Variants in COL5A2 observed in about 807,000 individuals in gnomAD.
COL5A2 encodes the protein collagen alpha-2(V) chain.
A neutral mutation model predicts 208.2 loss-of-function variants in COL5A2; 23 were observed. That is an observed-to-expected ratio of 0.11 (90% CI 0.08 to 0.16). The LOEUF (loss-of-function observed/expected upper bound fraction) is 0.16. Among genes scored for constraint, COL5A2 ranks in the 10% least tolerant of loss-of-function variants. The pLI, the probability that COL5A2 is intolerant of heterozygous loss-of-function variation, is 1.00. For missense variants in COL5A2, 1,590 were observed against 1,956.4 expected, an observed-to-expected ratio of 0.81 and a Z score of 3.53; for synonymous variants, 625 against 628.5, an observed-to-expected ratio of 0.99 and a Z score of 0.08.
intron 1 of COL5A2, among the ~76,000 whole-genome samples, chr2:189,177,320 G>T (rs921567568): frequency 6.6e-6 from 1 of 152,164 alleles, no homozygotes; most frequent in Admixed American, 6.5e-5. Context: ...ATCAAATGGA[G>T]TTTCTAAATT....
At chr2:189,369,692 CTT>C in the COL5A2 span, among the ~76,000 whole-genome samples, 5 of 152,104 alleles carry the variant, frequency 3.3e-5, no homozygotes, top group African/African-American at 9.7e-5. Context: ...TAAATAAACT[CTT>C]GAGTCATTTC....
chr2:189,232,544 G>C, the COL5A2 span, among the ~76,000 whole-genome samples: 2 of 151,650 alleles, frequency 1.3e-5, no homozygotes, highest in Non-Finnish European at 2.9e-5. Context: ...GTGAGTTTCA[G>C]GGAAAAGGTT....
At position 189,195,642 on chromosome 2, in the gene COL5A2, G is replaced by A. The variant is rs186635235; in HGVS notation, c.-42+29506C>T. ...ATATAGACCAATGGATCAGAACAGA[G>A]ACCTCAGAAATAACACCACGTATCT... On this transcript the variant is annotated intron_variant, in intron 1 of 10. Transcript: ENST00000649966. 3.3e-5 allele frequency among the ~76,000 whole-genome samples: 5 copies of A among 152,134 alleles called. No homozygotes were observed. In the East Asian group the frequency reaches 9.7e-4, roughly 29 times the overall value.
intron 1 of COL5A2, among the ~76,000 whole-genome samples, chr2:189,114,804 C>T (rs1687356341): frequency 1.3e-5 from 2 of 151,928 alleles, no homozygotes; most frequent in Non-Finnish European, 2.9e-5. Flanking sequence ...CACAATGGCA[C>T]ACGTTTACCT....
intron 2 of COL5A2, among the ~76,000 whole-genome samples, chr2:189,109,527 C>T (rs574668303): frequency 6.6e-6 from 1 of 152,178 alleles, no homozygotes; most frequent in Non-Finnish European, 1.5e-5. Context: ...ACTGCTAACA[C>T]AAATAACCTG....
the COL5A2 span, among the ~76,000 whole-genome samples, chr2:189,336,918 T>C: frequency 6.6e-6 from 1 of 152,222 alleles, no homozygotes; most frequent in East Asian, 1.9e-4. Flanking sequence ...TCAGAAGTTA[T>C]CCAGACTCCA....
At chr2:189,079,209 T>C in intron 14 of COL5A2, 102 bp from the exon 15 acceptor site, 1 of 914,672 alleles carries the variant, frequency 1.1e-6, no homozygotes, top group Non-Finnish European at 1.8e-6. Flanking sequence ...AAAGAGGACA[T>C]ATGAAAGATG....
intron 31 of COL5A2, among the ~76,000 whole-genome samples, chr2:189,059,670 C>T (rs552734700): frequency 2.8e-4 from 36 of 130,000 alleles, no homozygotes; most frequent in African/African-American, 1.0e-3. Context: ...GATCTTGGCT[C>T]ACTGCAACCT....
the COL5A2 span, among the ~76,000 whole-genome samples, chr2:189,316,567 C>T: frequency 6.6e-6 from 1 of 151,644 alleles, no homozygotes; most frequent in Non-Finnish European, 1.5e-5. Context: ...ACAGAGAGAA[C>T]AACACAAACT....
chr2:189,397,847 T>C, the COL5A2 span, among the ~76,000 whole-genome samples: 1 of 152,040 alleles, frequency 6.6e-6, no homozygotes, highest in African/African-American at 2.4e-5. Context: ...TTTCCACTTT[T>C]TTAGTTTAAT....
intron 1 of COL5A2, among the ~76,000 whole-genome samples, chr2:189,137,543 T>C (rs1405403601): frequency 6.6e-6 from 1 of 152,250 alleles, no homozygotes; most frequent in Non-Finnish European, 1.5e-5. Context: ...CAAAAAATGA[T>C]ACTTTTCACT....
At chr2:189,246,478 T>A in the COL5A2 span, among the ~76,000 whole-genome samples, 4 of 152,178 alleles carry the variant, frequency 2.6e-5, no homozygotes, top group Non-Finnish European at 4.4e-5. Flanking sequence ...ATAAAAACTA[T>A]CCCAGTGGCA....
intron 41 of COL5A2, among the ~76,000 whole-genome samples, chr2:189,051,912 G>GT (rs1370583983): frequency 6.6e-6 from 1 of 152,020 alleles, no homozygotes; most frequent in African/African-American, 2.4e-5. Context: ...ACATAATACT[G>GT]TAAGTATTCA....
In COL5A2 at chr2:189,092,438, T is replaced by C. The variant is rs777425021; in HGVS notation, c.457-18A>G. On this transcript the variant is annotated intron_variant, in intron 6 of 53. Transcript: ENST00000374866. ...CGAGGGCCCTGGAAAACAAGCCAGTTAAAATTAGAACCCACTGCCAAATAT... is the reference window on the plus strand; with the variant it reads ...CGAGGGCCCTGGAAAACAAGCCAGTCAAAATTAGAACCCACTGCCAAATAT... The C allele has an allele frequency of 6.6e-7, 1 of 1,508,684 alleles. No individual in the cohort carries two copies. The highest frequency in any genetic ancestry group is 1.2e-5 in the South Asian group (1 of 84,498). The allele number at this position is 1,508,684 out of a possible 1,614,324, so 93.5% of individuals were successfully genotyped here.
intron 2 of COL5A2, among the ~76,000 whole-genome samples, chr2:189,105,894 G>T (rs55778292): frequency 0.13 from 19,848 of 151,096 alleles, 1,332 homozygotes; most frequent in Middle Eastern, 0.19. Flanking sequence ...TTCCAACAAG[G>T]TTTATGAAAT....
chr2:189,076,962 C>A (rs1175470609), intron 16 of COL5A2, among the ~76,000 whole-genome samples: 1 of 152,040 alleles, frequency 6.6e-6, no homozygotes, highest in East Asian at 1.9e-4. Context: ...GTAGTCCCAG[C>A]TATTTGGGTG....
intron 31 of COL5A2, 134 bp downstream of exon 31, chr2:189,060,596 T>C: frequency 2.7e-6 from 2 of 744,186 alleles, no homozygotes; most frequent in Admixed American, 2.1e-5. Flanking sequence ...TGATAGTACC[T>C]AGTACATAGG....
intron 2 of COL5A2, among the ~76,000 whole-genome samples, chr2:189,104,685 C>A (rs918710594): frequency 6.6e-6 from 1 of 151,812 alleles, no homozygotes; most frequent in Non-Finnish European, 1.5e-5. Flanking sequence ...TAAAAAATGT[C>A]ATTCCATCTG....
intron 1 of COL5A2, among the ~76,000 whole-genome samples, chr2:189,178,240 A>G (rs1336100226): frequency 6.6e-6 from 1 of 152,172 alleles, no homozygotes; most frequent in African/African-American, 2.4e-5. Flanking sequence ...CTCCTGACAG[A>G]TTGTTGGATA....
Sources: allele counts gnomAD v4.1 joint callset (sites outside exome capture counted in the v4.1 genomes callset), GRCh38; gene constraint gnomAD v4.1.1; transcripts MANE v1.5; gene names NCBI Gene and HGNC (gene_info 2026-07-23, HGNC 2026-07-21).